Variants in SSBP3 observed in about 807,000 individuals in gnomAD.
SSBP3 encodes the protein single-stranded DNA-binding protein 3.
A neutral mutation model predicts 69.6 loss-of-function variants in SSBP3; 5 were observed. The observed-to-expected ratio is 0.07, with a 90% CI of 0.04 to 0.15. SSBP3 has a LOEUF of 0.15. Among genes scored for constraint, SSBP3 ranks in the 10% least tolerant of loss-of-function variants. The pLI, the probability that SSBP3 is intolerant of heterozygous loss-of-function variation, is 1.00. For missense variants in SSBP3, 312 were observed against 534.0 expected (o/e 0.58, Z 4.10); for synonymous variants, 196 against 193.4 (o/e 1.01, Z -0.11).
chr1:54,382,295 G>A (rs2100729303), intron 4 of SSBP3, among the ~76,000 whole-genome samples: 1 of 152,258 alleles, frequency 6.6e-6, no homozygotes, highest in Non-Finnish European at 1.5e-5. Context: ...GGCTGGTCTT[G>A]AACTCCTAGG....
chr1:54,376,254 C>A (rs1330339404), intron 4 of SSBP3, among the ~76,000 whole-genome samples: 1 of 152,096 alleles, frequency 6.6e-6, no homozygotes. Flanking sequence ...TGAGGCCTTG[C>A]CCATTCAGGA....
At chr1:54,294,308 A>G (rs1645666096) in intron 4 of SSBP3, among the ~76,000 whole-genome samples, 1 of 151,562 alleles carries the variant, frequency 6.6e-6, no homozygotes, top group South Asian at 2.1e-4. Context: ...CATCCTAACA[A>G]CTCGCCCCTC....
chr1:54,289,384 G>C (rs1645563941), intron 4 of SSBP3, among the ~76,000 whole-genome samples: 1 of 151,912 alleles, frequency 6.6e-6, no homozygotes, highest in Non-Finnish European at 1.5e-5. Context: ...GGAGAAACAA[G>C]GTGGGGGGTG....
intron 4 of SSBP3, among the ~76,000 whole-genome samples, chr1:54,369,501 T>C (rs749268242): frequency 6.6e-5 from 10 of 151,598 alleles, no homozygotes; most frequent in Non-Finnish European, 1.2e-4. Flanking sequence ...AGTTATGTGA[T>C]CAAAAAAAAA....
intron 5 of SSBP3, among the ~76,000 whole-genome samples, chr1:54,263,334 G>A (rs576029345): frequency 1.3e-4 from 20 of 152,162 alleles, no homozygotes; most frequent in African/African-American, 3.6e-4. Context: ...CTGGAGAGGC[G>A]GGTTGTGGTG....
At chr1:54,400,048 G>A (rs187976968) in intron 4 of SSBP3, among the ~76,000 whole-genome samples, 15 of 152,180 alleles carry the variant, frequency 9.9e-5, no homozygotes, top group Non-Finnish European at 1.5e-4. Flanking sequence ...AAATGTCAAC[G>A]CCAACCTCAG....
intron 5 of SSBP3, among the ~76,000 whole-genome samples, chr1:54,267,989 C>T (rs779604126): frequency 1.3e-5 from 2 of 152,258 alleles, no homozygotes; most frequent in Non-Finnish European, 2.9e-5. Context: ...ACCTCAGCCT[C>T]CCAAGCGGGT....
At chr1:54,338,177 A>C (rs66916204) in intron 4 of SSBP3, among the ~76,000 whole-genome samples, 15,237 of 152,266 alleles carry the variant, frequency 0.1, 864 homozygotes, top group Non-Finnish European at 0.11. Flanking sequence ...CCTGTGGTCC[A>C]GGTGTCCCTC....
rs1557525412 is a variant in SSBP3, at chr1:54,316,667, AATAAATAAATAAAT to A, written c.277-35154_277-35141del. Among the ~76,000 whole-genome samples, 30 of 56,446 alleles carry A rather than the reference AATAAATAAATAAAT, an allele frequency of 5.3e-4. 2 individuals are homozygous for A. The East Asian group carries it at 8.5e-3, about 16-fold the overall frequency. 37.0% of individuals were successfully genotyped at this position (56,446 alleles called of 152,430 possible). A position where few individuals can be genotyped will look rare whatever the true frequency, so the allele number is the denominator to read the frequency against. On this transcript the variant is annotated intron_variant, in intron 4 of 17. Coordinates refer to ENST00000610401, the Ensembl canonical transcript of SSBP3. ...CGTCTCAAAAAAAAAAAATAAAATA[AATAAATAAATAAAT>A]AAATAAATAAATAAATAAATAAATA... is the stretch of plus-strand genomic sequence containing the variant.
At chr1:54,315,866 T>G (rs1240790566) in intron 4 of SSBP3, among the ~76,000 whole-genome samples, 2 of 152,048 alleles carry the variant, frequency 1.3e-5, no homozygotes, top group Non-Finnish European at 1.5e-5. Flanking sequence ...CGCGCCATAT[T>G]GCCCAGATTG....
At chr1:54,225,905 A>G (rs1190141618) in exon 18 of SSBP3, 1 of 152,000 alleles carries the variant, frequency 6.6e-6, no homozygotes, top group Non-Finnish European at 1.5e-5. Context: ...CAGCTGCTCC[A>G]AAGTCTTTCC....
chr1:54,362,053 A>G (rs1419390413), intron 4 of SSBP3, among the ~76,000 whole-genome samples: 1 of 152,156 alleles, frequency 6.6e-6, no homozygotes, highest in African/African-American at 2.4e-5. Context: ...CAAAATTCAG[A>G]ATTTGTATCT....
intron 4 of SSBP3, among the ~76,000 whole-genome samples, chr1:54,378,771 G>C (rs533081435): frequency 6.6e-6 from 1 of 152,160 alleles, no homozygotes; most frequent in African/African-American, 2.4e-5. Context: ...GGAAGGAACC[G>C]CTGGGGGAGG....
chr1:54,316,760 A>G (rs747415133), intron 4 of SSBP3, among the ~76,000 whole-genome samples: 1 of 151,846 alleles, frequency 6.6e-6, no homozygotes, highest in Non-Finnish European at 1.5e-5. Flanking sequence ...TTGCTACTAT[A>G]AGAAAATACC....
chr1:54,252,595 A>G (rs1158802164), intron 7 of SSBP3, among the ~76,000 whole-genome samples: 1 of 152,212 alleles, frequency 6.6e-6, no homozygotes, highest in Non-Finnish European at 1.5e-5. Context: ...ACCCGGCTCC[A>G]GAGCTGGGGC....
At chr1:54,264,892 G>A (rs1328471170) in intron 5 of SSBP3, among the ~76,000 whole-genome samples, 2 of 152,248 alleles carry the variant, frequency 1.3e-5, no homozygotes, top group African/African-American at 2.4e-5. Flanking sequence ...GGCTGAAGGA[G>A]TGGGTTTTCT....
chr1:54,404,785 GA>G (rs1274343317), intron 2 of SSBP3, 72 bp downstream of exon 2: 13 of 799,470 alleles, frequency 1.6e-5, no homozygotes, highest in African/African-American at 4.1e-5. Context: ...GGCTGCTCCT[GA>G]AAACAAAGGC....
chr1:54,230,528 T>C (rs1644363041), intron 14 of SSBP3, among the ~76,000 whole-genome samples: 1 of 152,228 alleles, frequency 6.6e-6, no homozygotes, highest in Admixed American at 6.5e-5. Context: ...TATTGAGATA[T>C]AATTCACAGA....
chr1:54,293,329 G>A (rs1230117487), intron 4 of SSBP3, among the ~76,000 whole-genome samples: 1 of 152,084 alleles, frequency 6.6e-6, no homozygotes, highest in Non-Finnish European at 1.5e-5. Flanking sequence ...GGGCTGGTCA[G>A]AGGCTTCTGA....
Sources: allele counts gnomAD v4.1 joint callset (sites outside exome capture counted in the v4.1 genomes callset), GRCh38; gene constraint gnomAD v4.1.1; transcripts MANE v1.5; gene names NCBI Gene and HGNC (gene_info 2026-07-23, HGNC 2026-07-21).